Variants in RTL4 observed in about 807,000 individuals in gnomAD.
RTL4 encodes the protein retrotransposon Gag like 4.
A neutral mutation model predicts 5.3 loss-of-function variants in RTL4; 4 were observed. The ratio of observed to expected loss-of-function variants is 0.75; its 90% confidence interval spans 0.37 to 1.72. The LOEUF (loss-of-function observed/expected upper bound fraction) is 1.72. Ranked by LOEUF, RTL4 falls within the 40% of genes most tolerant of loss-of-function variation. The pLI, the probability that RTL4 is intolerant of heterozygous loss-of-function variation, is 0.04. For synonymous variants in RTL4, 98 were observed against 87.3 expected, an observed-to-expected ratio of 1.12 and a Z score of -0.68; for missense variants, 260 against 227.1, an observed-to-expected ratio of 1.14 and a Z score of -0.93.
At chrX:112,292,505 A>G in the RTL4 span, among the ~76,000 whole-genome samples, 1 of 111,840 alleles carries the variant, frequency 8.9e-6, no homozygotes, top group Non-Finnish European at 1.9e-5. Flanking sequence ...ACACCTGATA[A>G]GCAAAATTCT....
the RTL4 span, among the ~76,000 whole-genome samples, chrX:112,239,073 G>A: frequency 9.0e-6 from 1 of 111,461 alleles, no homozygotes; most frequent in Non-Finnish European, 1.9e-5. Context: ...CCACTAAGAT[G>A]GTATTGATGG....
At chrX:112,440,333 T>C in the RTL4 span, among the ~76,000 whole-genome samples, 1 of 111,607 alleles carries the variant, frequency 9.0e-6, no homozygotes. Context: ...CTGGCGCAGC[T>C]CTGCAGGGCC....
the RTL4 span, among the ~76,000 whole-genome samples, chrX:112,125,369 A>G: frequency 8.9e-6 from 1 of 111,843 alleles, no homozygotes; most frequent in East Asian, 2.8e-4. Flanking sequence ...AAAAGTACCA[A>G]TTAAAACCTT....
At chrX:112,356,036 G>A in the RTL4 span, among the ~76,000 whole-genome samples, 1 of 111,719 alleles carries the variant, frequency 9.0e-6, no homozygotes, top group African/African-American at 3.3e-5. Flanking sequence ...CCCATCAAAT[G>A]AGGACTGGAT....
the RTL4 span, among the ~76,000 whole-genome samples, chrX:112,216,602 C>T: frequency 9.0e-6 from 1 of 111,718 alleles, no homozygotes; most frequent in African/African-American, 3.3e-5. Context: ...CATTTGGGGT[C>T]TGTAGTCTTT....
the RTL4 span, among the ~76,000 whole-genome samples, chrX:112,448,300 TG>T: frequency 1.8e-5 from 2 of 112,145 alleles, no homozygotes; most frequent in African/African-American, 6.5e-5. Context: ...ATGGTCACAT[TG>T]GGAATGGACA....
chrX:112,439,520 C>G, the RTL4 span, among the ~76,000 whole-genome samples: 2 of 111,803 alleles, frequency 1.8e-5, no homozygotes, highest in Non-Finnish European at 3.8e-5. Context: ...GATGATACTA[C>G]CCACATGCTA....
chrX:112,236,392 A>C, the RTL4 span, among the ~76,000 whole-genome samples: 1 of 87,739 alleles, frequency 1.1e-5, no homozygotes, highest in African/African-American at 4.2e-5. Flanking sequence ...ACTTTCATAT[A>C]TATATAATAT....
At chrX:112,127,879 C>T in the RTL4 span, among the ~76,000 whole-genome samples, 1 of 111,621 alleles carries the variant, frequency 9.0e-6, no homozygotes, top group Non-Finnish European at 1.9e-5. Flanking sequence ...AAGGAAAAGA[C>T]TTGTACAATG....
chrX:112,193,575 T>C, the RTL4 span, among the ~76,000 whole-genome samples: 3 of 111,705 alleles, frequency 2.7e-5, no homozygotes, highest in Non-Finnish European at 5.6e-5. Context: ...TGGACTTGGT[T>C]CTGCTTCTCA....
chrX:112,192,944 T>A, the RTL4 span, among the ~76,000 whole-genome samples: 2 of 111,896 alleles, frequency 1.8e-5, no homozygotes. Context: ...GGTATACTAG[T>A]AATGAACTTT....
At chrX:112,405,011 C>T in the RTL4 span, among the ~76,000 whole-genome samples, 511 of 111,744 alleles carry the variant, frequency 4.6e-3, 2 homozygotes, top group African/African-American at 0.015. Flanking sequence ...CTGCATATGT[C>T]AGTGGAGGTA....
the RTL4 span, among the ~76,000 whole-genome samples, chrX:112,200,541 G>A: frequency 9.0e-6 from 1 of 111,682 alleles, no homozygotes; most frequent in Non-Finnish European, 1.9e-5. Flanking sequence ...CTAACGAAGG[G>A]GTCAAAAATG....
chrX:112,303,641 A>T, the RTL4 span, among the ~76,000 whole-genome samples: 3 of 91,466 alleles, frequency 3.3e-5, no homozygotes, highest in African/African-American at 4.4e-5. Context: ...TAGCATTAGG[A>T]GATATACCTA....
the RTL4 span, among the ~76,000 whole-genome samples, chrX:112,281,855 G>T: frequency 9.0e-6 from 1 of 111,654 alleles, no homozygotes; most frequent in Non-Finnish European, 1.9e-5. Context: ...TTACTATTGG[G>T]TTGTTTGAGT....
At chrX:112,203,777 C>T in the RTL4 span, among the ~76,000 whole-genome samples, 4 of 112,120 alleles carry the variant, frequency 3.6e-5, no homozygotes, top group East Asian at 2.8e-4. Context: ...AGAATAAGCT[C>T]GTCCATGTCT....
At chrX:112,360,047 T>G in the RTL4 span, among the ~76,000 whole-genome samples, 2 of 111,644 alleles carry the variant, frequency 1.8e-5, no homozygotes, top group Non-Finnish European at 3.8e-5. Context: ...CATCCTGTTT[T>G]AACTCTCCTT....
the RTL4 span, among the ~76,000 whole-genome samples, chrX:112,132,552 T>C: frequency 8.9e-6 from 1 of 111,935 alleles, no homozygotes; most frequent in Non-Finnish European, 1.9e-5. Flanking sequence ...ATGACAAGTC[T>C]GGAGTTTCAC....
chrX:112,441,387 T>C, the RTL4 span, among the ~76,000 whole-genome samples: 3 of 111,536 alleles, frequency 2.7e-5, no homozygotes, highest in Admixed American at 2.9e-4. Flanking sequence ...CCGATTAAGC[T>C]TTTCCTACCA....
Sources: allele counts gnomAD v4.1 joint callset (sites outside exome capture counted in the v4.1 genomes callset), GRCh38; gene constraint gnomAD v4.1.1; transcripts MANE v1.5; gene names NCBI Gene and HGNC (gene_info 2026-07-23, HGNC 2026-07-21).